Variants in GLDC observed in about 807,000 individuals in gnomAD.
GLDC encodes the protein glycine dehydrogenase (decarboxylating), mitochondrial.
Under a neutral mutation model 121.3 loss-of-function variants are expected in GLDC, and 104 were observed. The ratio of observed to expected loss-of-function variants is 0.86; its 90% CI spans 0.73 to 1.01. The LOEUF is 1.01. Ranked by LOEUF, GLDC falls within the 50% of genes least tolerant of loss-of-function variation. The pLI is 0.00. For missense variants in GLDC, 1,429 were observed against 1,306.6 expected (o/e 1.09, Z -1.44); for synonymous variants, 546 against 480.6 (o/e 1.14, Z -1.78).
At chr9:6,593,109 C>T (rs1220477625) in intron 9 of GLDC, 119 bp from the exon 10 acceptor site, 2 of 1,029,216 alleles carry the variant, frequency 1.9e-6, no homozygotes, top group Admixed American at 1.9e-5. Context: ...CTGGGGAGTG[C>T]TTTGGTGATT....
At chr9:6,546,720 G>C (rs962871661) in intron 21 of GLDC, among the ~76,000 whole-genome samples, 5 of 151,886 alleles carry the variant, frequency 3.3e-5, no homozygotes, top group African/African-American at 9.7e-5. Flanking sequence ...CCAGCATTTG[G>C]GGAGGCCAAG....
intron 3 of GLDC, among the ~76,000 whole-genome samples, chr9:6,611,094 T>C (rs1263558860): frequency 6.6e-6 from 1 of 152,246 alleles, no homozygotes; most frequent in African/African-American, 2.4e-5. Context: ...AATAGAGGTC[T>C]ACTTAAGAAT....
At chr9:6,563,195 CT>C (rs1817791765) in intron 16 of GLDC, among the ~76,000 whole-genome samples, 1 of 152,274 alleles carries the variant, frequency 6.6e-6, no homozygotes, top group Admixed American at 6.5e-5. Context: ...GCCTTTCATT[CT>C]TTCTCCTTGG....
chr9:6,623,565 T>C (rs1194420038), intron 2 of GLDC, among the ~76,000 whole-genome samples: 1 of 150,444 alleles, frequency 6.6e-6, no homozygotes, highest in East Asian at 2.0e-4. Context: ...TATTGTCCTA[T>C]GACCCTGCCA....
At chr9:6,620,516 T>TTTC (rs1176496999) in intron 2 of GLDC, among the ~76,000 whole-genome samples, 197 bp from the exon 3 acceptor site, 1 of 151,904 alleles carries the variant, frequency 6.6e-6, no homozygotes, top group Non-Finnish European at 1.5e-5. Context: ...CAACACTCAA[T>TTTC]TTCTCCTCAA....
chr9:6,553,550 T>C, intron 19 of GLDC, 41 bp from the exon 20 acceptor site: 2 of 1,601,092 alleles, frequency 1.2e-6, no homozygotes, highest in Non-Finnish European at 1.7e-6. Context: ...ATGTAAACGA[T>C]TCAGTTTAAT....
intron 3 of GLDC, among the ~76,000 whole-genome samples, chr9:6,612,658 T>G (rs1818882990): frequency 6.6e-6 from 1 of 152,068 alleles, no homozygotes. Context: ...GGTCAGGAGT[T>G]CGAGACGAGC....
In GLDC at chr9:6,536,091, G is replaced by A. The variant is rs2129649432; in HGVS notation, c.2811C>T (p.Arg937=). The change falls in exon 23 of 25, where the codon CGC becomes CGT. Residue 937 remains arginine, a synonymous_variant. Transcript: ENST00000321612. ...TCAGCGGATTGACCCTGGGGTCGAT[G>A]CGGCCCTCCTCAATGTCAGCAATTT... ...RQEIADIEEG[R]IDPRVNPLKM... is the part of the protein sequence containing the mutation. 6.2e-7 allele frequency: 1 copy of A among 1,613,866 alleles called. No individual in the cohort carries two copies. Among genetic ancestry groups the A allele is most frequent in the Non-Finnish European group, 8.5e-7 (1 of 1,179,874 alleles).
chr9:6,597,254 G>T (rs1351523334), intron 8 of GLDC, among the ~76,000 whole-genome samples: 1 of 152,156 alleles, frequency 6.6e-6, no homozygotes, highest in Non-Finnish European at 1.5e-5. Context: ...CATAGGAATA[G>T]AATTTCTTTT....
chr9:6,594,829 A>AAGAAAGAC (rs965651098), intron 9 of GLDC, among the ~76,000 whole-genome samples, 185 bp downstream of exon 9: 1 of 152,086 alleles, frequency 6.6e-6, no homozygotes, highest in Non-Finnish European at 1.5e-5. Context: ...GAAAGAAAGA[A>AAGAAAGAC]AGAAAAAGAA....
rs149840524 is a variant in GLDC at position 6,635,521 on chromosome 9, T to C, written c.334+9093A>G. ...TATGTTTTGAGGTTAGAGTAAGTTA[T>C]AGTCATACCGCTGCACTCTAGTCTG... On this transcript the variant is annotated intron_variant, in intron 2 of 24. Coordinates refer to ENST00000321612, the MANE Select transcript of GLDC (RefSeq NM_000170.3). 6.0e-3 allele frequency among the ~76,000 whole-genome samples: 916 copies of C among 152,288 alleles called. 7 individuals are homozygous for C. Among genetic ancestry groups the C allele is most frequent in the Non-Finnish European group, 9.4e-3 (639 of 68,028 alleles).
intron 15 of GLDC, among the ~76,000 whole-genome samples, chr9:6,566,150 G>A (rs1817851025): frequency 6.6e-6 from 1 of 152,196 alleles, no homozygotes; most frequent in African/African-American, 2.4e-5. Context: ...GGCTGACATG[G>A]AAGGATCACT....
chr9:6,612,955 G>C (rs771234483), intron 3 of GLDC, among the ~76,000 whole-genome samples: 2 of 152,142 alleles, frequency 1.3e-5, no homozygotes, highest in Non-Finnish European at 2.9e-5. Context: ...TGACGGGAGT[G>C]AGACTCTGTC....
chr9:6,577,722 C>T (rs557784124), intron 15 of GLDC, among the ~76,000 whole-genome samples: 24 of 152,000 alleles, frequency 1.6e-4, no homozygotes, highest in Non-Finnish European at 2.9e-4. Flanking sequence ...CGCAGTTTTA[C>T]GCAGCTAACA....
intron 7 of GLDC, among the ~76,000 whole-genome samples, chr9:6,604,126 G>A (rs1818681897): frequency 6.6e-6 from 1 of 152,060 alleles, no homozygotes; most frequent in Non-Finnish European, 1.5e-5. Context: ...GAAGCAGTCA[G>A]GAAAGTACAT....
Position 6,567,845 on chromosome 9 carries a change from A to G in GLDC, c.1851-2416T>C, listed in dbSNP as rs530144713. Reference sequence around the variant, plus strand: ...CAATTAGAGCATAAGCTCTGACAGTAGGGTCTAATTCTCAGAGTTCTGTAT... The same window carrying G: ...CAATTAGAGCATAAGCTCTGACAGTGGGGTCTAATTCTCAGAGTTCTGTAT... On this transcript the variant is annotated intron_variant, in intron 15 of 24. Transcript: ENST00000321612. 2.0e-5 allele frequency among the ~76,000 whole-genome samples: 3 copies of G among 152,302 alleles called. No individual in the cohort carries two copies. The South Asian group carries it at 6.2e-4, about 32-fold the overall frequency.
At chr9:6,609,827 C>T (rs932922063) in intron 4 of GLDC, among the ~76,000 whole-genome samples, 11 of 152,094 alleles carry the variant, frequency 7.2e-5, no homozygotes, top group African/African-American at 2.4e-4. Context: ...CCCAGGCCTG[C>T]GCTTGGCTGC....
At chr9:6,569,351 G>A (rs1173800772) in intron 15 of GLDC, 1 of 152,088 alleles carries the variant, frequency 6.6e-6, no homozygotes, top group Non-Finnish European at 1.5e-5. Context: ...CAAACATACT[G>A]AGAATTAGAA....
rs55988287 is a variant in GLDC at position 6,644,050 on chromosome 9, A to AAAC, written c.334+563_334+564insGTT. Among the ~76,000 whole-genome samples, 38 of 92,732 alleles carry AAAC rather than the reference A, an allele frequency of 4.1e-4. 6 individuals carry two copies. Among genetic ancestry groups the AAAC allele is most frequent in the South Asian group, 3.5e-3 (9 of 2,560 alleles). 60.8% of individuals were successfully genotyped at this position (92,732 alleles called of 152,430 possible). ...GTCTCAAAAAAAAAAAAAAAAAAAA[A>AAAC]CGAAAAAAAAAAGAAAAGAAAAGAA... On this transcript the variant is annotated intron_variant, in intron 2 of 24. Coordinates refer to ENST00000321612, the MANE Select transcript of GLDC (RefSeq NM_000170.3).
Sources: gnomAD v4.1 joint callset for allele counts (sites outside exome capture counted in the v4.1 genomes callset) on GRCh38, gnomAD v4.1.1 for gene constraint, MANE v1.5 for transcripts, NCBI Gene and HGNC (gene_info 2026-07-23, HGNC 2026-07-21) for gene names.